WWOX: variants seen among roughly 807,000 people sequenced by gnomAD.
WWOX encodes the protein WW domain containing oxidoreductase.
Under a neutral mutation model 46.2 loss-of-function variants are expected in WWOX, and 69 were observed. The observed-to-expected ratio is 1.49, with a 90% CI of 1.23 to 1.82. WWOX has a LOEUF of 1.82. Among genes scored for constraint, WWOX ranks in the 40% most tolerant of loss-of-function variants. The pLI, the probability that WWOX is intolerant of heterozygous loss-of-function variation, is 0.00. For missense variants in WWOX, 919 were observed against 542.6 expected (o/e 1.69, Z -6.89); for synonymous variants, 359 against 202.6 (o/e 1.77, Z -6.56).
At chr16:78,708,785 G>A (rs1264733556) in intron 8 of WWOX, among the ~76,000 whole-genome samples, 1 of 152,178 alleles carries the variant, frequency 6.6e-6, no homozygotes, top group East Asian at 1.9e-4. Flanking sequence ...AGAGGCATAA[G>A]GCTCCTTGAG....
chr16:78,579,086 A>G (rs1381624819), intron 8 of WWOX, among the ~76,000 whole-genome samples: 1 of 151,820 alleles, frequency 6.6e-6, no homozygotes, highest in Non-Finnish European at 1.5e-5. Context: ...CCACTTCATC[A>G]TGTTTGGTCT....
chr16:78,474,865 G>C (rs567005822), intron 8 of WWOX, among the ~76,000 whole-genome samples: 2 of 152,176 alleles, frequency 1.3e-5, no homozygotes, highest in Admixed American at 6.5e-5. Context: ...CTTTCACTTT[G>C]CATGCATCAT....
intron 8 of WWOX, among the ~76,000 whole-genome samples, chr16:79,000,290 A>G (rs543920554): frequency 2.6e-5 from 4 of 152,300 alleles, no homozygotes; most frequent in African/African-American, 9.6e-5. Flanking sequence ...AGACAGAGTA[A>G]TGAGCCCCGA....
rs140102764 is a variant in WWOX, at chr16:78,641,814, C to G, written c.1056+209062C>G. Among the ~76,000 whole-genome samples, 7 of 152,318 alleles carry G rather than the reference C, an allele frequency of 4.6e-5. No homozygotes were observed. The East Asian group carries it at 1.4e-3, about 29-fold the overall frequency. On this transcript the variant is annotated intron_variant, in intron 8 of 8. Transcript: ENST00000566780. Reference sequence around the variant, plus strand: ...GGTCATTGAAATTAATTTCTGCTTTCAAGCTTGGCAGAAAGCAGCTGCAGA... The same window carrying G: ...GGTCATTGAAATTAATTTCTGCTTTGAAGCTTGGCAGAAAGCAGCTGCAGA...
chr16:78,533,947 G>T (rs1191609487), intron 8 of WWOX, among the ~76,000 whole-genome samples: 1 of 152,214 alleles, frequency 6.6e-6, no homozygotes, highest in African/African-American at 2.4e-5. Context: ...GCCAGATACA[G>T]AGTAGTAACC....
At chr16:78,987,128 C>T (rs575214435) in intron 8 of WWOX, among the ~76,000 whole-genome samples, 2 of 152,148 alleles carry the variant, frequency 1.3e-5, no homozygotes, top group Admixed American at 6.5e-5. Context: ...GTATAGGACT[C>T]CAATATTTCT....
intron 8 of WWOX, among the ~76,000 whole-genome samples, chr16:78,776,653 T>C (rs926300026): frequency 6.6e-6 from 1 of 152,004 alleles, no homozygotes; most frequent in Admixed American, 6.6e-5. Flanking sequence ...CTGCCCGAGA[T>C]TGGGAAATTT....
intron 8 of WWOX, among the ~76,000 whole-genome samples, chr16:79,018,698 A>G (rs528100333): frequency 6.6e-6 from 1 of 152,318 alleles, no homozygotes; most frequent in African/African-American, 2.4e-5. Flanking sequence ...TCCACATGAA[A>G]TCAACCAGAA....
At chr16:78,736,261 T>G (rs553756191) in intron 8 of WWOX, among the ~76,000 whole-genome samples, 8 of 152,304 alleles carry the variant, frequency 5.3e-5, no homozygotes, top group African/African-American at 1.9e-4. Flanking sequence ...CGGGCTGTGG[T>G]ACCTTCGTGT....
chr16:78,267,915 T>C (rs1424714481), intron 5 of WWOX, among the ~76,000 whole-genome samples: 1 of 152,182 alleles, frequency 6.6e-6, no homozygotes, highest in Non-Finnish European at 1.5e-5. Flanking sequence ...CTTTCCAGGC[T>C]CAAGTGATCC....
chr16:79,206,629 G>C (rs185127656), intron 8 of WWOX: 9 of 152,360 alleles, frequency 5.9e-5, no homozygotes, highest in Non-Finnish European at 8.8e-5. Flanking sequence ...AAGCCGGGCA[G>C]TTTGCAGGGC....
chr16:78,118,568 G>T (rs80129716), intron 4 of WWOX, among the ~76,000 whole-genome samples: 3 of 152,108 alleles, frequency 2.0e-5, no homozygotes, highest in African/African-American at 7.2e-5. Flanking sequence ...TTGAACTACT[G>T]TTTGTGTATA....
chr16:78,330,773 T>G (rs1186388497), intron 5 of WWOX, among the ~76,000 whole-genome samples: 1 of 152,248 alleles, frequency 6.6e-6, no homozygotes, highest in African/African-American at 2.4e-5. Flanking sequence ...TCATCTCACT[T>G]CTTTCAGTCA....
At chr16:79,010,752 G>T (rs2550731) in intron 8 of WWOX, among the ~76,000 whole-genome samples, 55,444 of 148,854 alleles carry the variant, frequency 0.37, 11,097 homozygotes, top group East Asian at 0.82. Context: ...ACCTTCCAGG[G>T]ACATGGACCC....
chr16:78,294,603 C>T (rs1332535960), intron 5 of WWOX, among the ~76,000 whole-genome samples: 2 of 151,988 alleles, frequency 1.3e-5, no homozygotes, highest in Admixed American at 6.6e-5. Flanking sequence ...ATGTATGTCC[C>T]CACTAGGCTG....
intron 8 of WWOX, among the ~76,000 whole-genome samples, chr16:79,069,371 CA>C (rs1013390514): frequency 4.6e-5 from 7 of 152,170 alleles, no homozygotes; most frequent in Admixed American, 2.6e-4. Flanking sequence ...GGAACAAATT[CA>C]AAACAGCTTT....
intron 8 of WWOX, among the ~76,000 whole-genome samples, chr16:79,026,567 C>T (rs866454400): frequency 1.3e-5 from 2 of 150,740 alleles, no homozygotes; most frequent in South Asian, 4.2e-4. Context: ...TTTCTGCACT[C>T]TCCTGCCTCT....
chr16:78,364,766 G>T (rs1408561329), intron 5 of WWOX, among the ~76,000 whole-genome samples: 2 of 152,196 alleles, frequency 1.3e-5, no homozygotes, highest in Non-Finnish European at 2.9e-5. Context: ...CCCTGTGTAT[G>T]TCTGCACTTC....
intron 5 of WWOX, among the ~76,000 whole-genome samples, chr16:78,314,426 A>C (rs1826655583): frequency 6.8e-6 from 1 of 147,218 alleles, no homozygotes; most frequent in Non-Finnish European, 1.5e-5. Flanking sequence ...AAAAAAAAGT[A>C]CAGGACATAC....
Sources: allele counts gnomAD v4.1 joint callset (sites outside exome capture counted in the v4.1 genomes callset), GRCh38; gene constraint gnomAD v4.1.1; transcripts MANE v1.5; gene names NCBI Gene and HGNC (gene_info 2026-07-23, HGNC 2026-07-21).